Variants in PHF21B observed in about 807,000 individuals in gnomAD.
The protein encoded by PHF21B is PHD finger protein 21B, also known as PHD finger protein 4.
In PHF21B, 22 loss-of-function variants were observed where a neutral mutation model predicts 62.2. The observed-to-expected ratio is 0.35, with a 90% confidence interval of 0.25 to 0.51. The LOEUF (loss-of-function observed/expected upper bound fraction) is 0.51. PHF21B is among the 20% of genes least tolerant of loss of function. The pLI, the probability that PHF21B is intolerant of heterozygous loss-of-function variation, is 0.97. For synonymous variants in PHF21B, 341 were observed against 314.7 expected, an observed-to-expected ratio of 1.08 and a Z score of -0.88; for missense variants, 701 against 707.9, an observed-to-expected ratio of 0.99 and a Z score of 0.11.
Position 45,008,507 on chromosome 22 carries a change from C to G in PHF21B, c.120+38G>C, listed in dbSNP as rs760757370. On this transcript the variant is annotated intron_variant, in intron 2 of 12. Coordinates refer to ENST00000313237, the MANE Select transcript of PHF21B (RefSeq NM_138415.5). ...CCGCCAAAGTGCCCAGCCACCCTCC[C>G]GCCCCATCCCAGGGGGGGCCGCGAT... 5.3e-6 allele frequency: 8 copies of G among 1,514,778 alleles called. No individual in the cohort carries two copies. In the South Asian group the frequency reaches 9.9e-5, roughly 19 times the overall value. The allele number at this position is 1,514,778 out of a possible 1,614,324, so 93.8% of individuals were successfully genotyped here.
chr22:44,987,659 T>C (rs1601683084), intron 2 of PHF21B, among the ~76,000 whole-genome samples: 1 of 151,700 alleles, frequency 6.6e-6, no homozygotes, highest in African/African-American at 2.4e-5. Context: ...CTGTGGTCAT[T>C]ACATCCGGAC....
chr22:44,931,847 C>A (rs2071749136), intron 2 of PHF21B, among the ~76,000 whole-genome samples: 1 of 152,184 alleles, frequency 6.6e-6, no homozygotes, highest in African/African-American at 2.4e-5. Context: ...GATCTGGACT[C>A]CAGGGGCCCA....
chr22:44,924,726 G>C (rs967846953), intron 2 of PHF21B, among the ~76,000 whole-genome samples: 1 of 152,220 alleles, frequency 6.6e-6, no homozygotes, highest in African/African-American at 2.4e-5. Context: ...GCTTAAGCCA[G>C]CCAGTCCATG....
At chr22:44,933,750 C>G (rs563196689) in intron 2 of PHF21B, among the ~76,000 whole-genome samples, 25 of 151,966 alleles carry the variant, frequency 1.6e-4, no homozygotes, top group African/African-American at 5.1e-4. Context: ...GACAGACAGA[C>G]AGAGAGACAG....
intron 2 of PHF21B, among the ~76,000 whole-genome samples, chr22:44,943,102 A>G (rs934743320): frequency 6.6e-6 from 1 of 151,030 alleles, no homozygotes; most frequent in Non-Finnish European, 1.5e-5. Context: ...CCCCCAAGCC[A>G]GCCCCTCCTG....
At chr22:44,953,248 G>A (rs780023501) in intron 2 of PHF21B, among the ~76,000 whole-genome samples, 9 of 152,212 alleles carry the variant, frequency 5.9e-5, no homozygotes, top group Non-Finnish European at 8.8e-5. Context: ...GCACTAGCGA[G>A]TTGGGGTACA....
rs777585164 is a variant in PHF21B, at chr22:44,914,079, G to A, written c.574C>T (p.Arg192Cys). 9.2e-6 allele frequency: 10 copies of A among 1,090,838 alleles called. No homozygotes were observed. The highest frequency in any genetic ancestry group is 4.1e-5 in the Admixed American group (2 of 49,088). The allele number at this position is 1,090,838 out of a possible 1,614,324, so 67.6% of individuals were successfully genotyped here. ...GCGGGGTGAGGGGAAGAGAGGAGGCGTGGAGGAGGCTGGAGAGCGAGGGTG... is the reference window on the plus strand; with the variant it reads ...GCGGGGTGAGGGGAAGAGAGGAGGCATGGAGGAGGCTGGAGAGCGAGGGTG... Reference protein sequence around the residue: ...LISADNKPPPRLLSSPHPATH... With the variant: ...LISADNKPPPCLLSSPHPATH... Residue 192 changes from arginine (R) to cysteine (C), a missense_variant, in exon 5 of 13, where the codon CGC becomes TGC. Coordinates refer to ENST00000313237, the MANE Select transcript of PHF21B (RefSeq NM_138415.5).
chr22:44,896,355 G>A (rs998104496), intron 5 of PHF21B, among the ~76,000 whole-genome samples: 8 of 152,132 alleles, frequency 5.3e-5, no homozygotes, highest in African/African-American at 1.7e-4. Context: ...GCACATAGCT[G>A]GGCTAATCCT....
rs752863363 is a variant in PHF21B, at chr22:44,891,353, C to G, written c.968G>C (p.Arg323Pro). The change falls in exon 8 of 13, where the codon CGG (arginine) becomes CCG (proline). Residue 323 changes from arginine (R) to proline (P), a missense_variant. Coordinates refer to ENST00000313237, the MANE Select transcript of PHF21B (RefSeq NM_138415.5). The stretch of plus-strand genomic sequence containing the variant: ...GTTGTTGAGATAGTTGGAGGCCAGC[C>G]GTTTCCTCTGCAGGGACAGAAAACA... The part of the protein sequence containing the change: ...YSGLLETERK[R>P]LASNYLNNPL... The G allele has an allele frequency of 2.5e-6, 4 of 1,613,898 alleles. No homozygotes were observed. The highest frequency in any genetic ancestry group is 2.2e-5 in the South Asian group (2 of 90,888).
chr22:45,007,388 G>C (rs2073336836), intron 2 of PHF21B, among the ~76,000 whole-genome samples: 1 of 151,448 alleles, frequency 6.6e-6, no homozygotes, highest in Admixed American at 6.6e-5. Context: ...CCCCGGGGGA[G>C]GGGGCGTCCG....
At chr22:44,884,826 T>C (rs564882967) in intron 12 of PHF21B, among the ~76,000 whole-genome samples, 1,542 of 150,944 alleles carry the variant, frequency 0.01, 18 homozygotes, top group Non-Finnish European at 0.013. Context: ...ATCACCATCA[T>C]CACCACCACC....
chr22:44,901,892 G>A (rs964093500), intron 5 of PHF21B: 6 of 248,226 alleles, frequency 2.4e-5, no homozygotes, highest in African/African-American at 1.4e-4. Context: ...GTACCCGGCT[G>A]GTTCAACTTC....
At chr22:44,903,080 T>A (rs1404082541) in intron 5 of PHF21B, among the ~76,000 whole-genome samples, 2 of 152,222 alleles carry the variant, frequency 1.3e-5, no homozygotes, top group Non-Finnish European at 2.9e-5. Context: ...GCCTTACAGA[T>A]TGCAGGTGCA....
chr22:44,973,518 C>T (rs371393500), intron 2 of PHF21B, among the ~76,000 whole-genome samples: 1 of 152,178 alleles, frequency 6.6e-6, no homozygotes, highest in African/African-American at 2.4e-5. Flanking sequence ...AAGGCAACTT[C>T]AGCGAACTGC....
At chr22:44,990,280 G>C (rs993995157) in intron 2 of PHF21B, among the ~76,000 whole-genome samples, 3 of 152,324 alleles carry the variant, frequency 2.0e-5, no homozygotes, top group Middle Eastern at 3.4e-3. Context: ...AGGAAGAAAA[G>C]CACAAGTCCC....
chr22:44,888,046 C>A lies in PHF21B; in HGVS notation c.1114G>T (p.Gly372Trp), dbSNP rs1471400455. 2 of 1,555,262 alleles carry A rather than the reference C, an allele frequency of 1.3e-6. No individual in the cohort carries two copies. Among genetic ancestry groups the A allele is most frequent in the East Asian group, 2.4e-5 (1 of 41,914 alleles). Residue 372 changes from glycine (G) to tryptophan (W), a missense_variant, in exon 10 of 13, where the codon GGG becomes TGG. Gly to Trp is a radical substitution (Grantham distance 184). Coordinates refer to ENST00000313237, the MANE Select transcript of PHF21B (RefSeq NM_138415.5). Reference protein sequence around the residue: ...ANLQPCGTCPGAYHLSCLEPP... With the variant: ...ANLQPCGTCPWAYHLSCLEPP... ...TCCAGGCAGCTGAGGTGGTAGGCCC[C>A]CGGGCAGGTGCCGCAGGGCTGCAGG...
intron 5 of PHF21B, among the ~76,000 whole-genome samples, chr22:44,911,493 T>G (rs1174863682): frequency 6.6e-6 from 1 of 152,168 alleles, no homozygotes; most frequent in Non-Finnish European, 1.5e-5. Flanking sequence ...TAGTGCCCTG[T>G]GTCCCAGCCA....
At chr22:45,001,963 G>A (rs761754856) in intron 2 of PHF21B, 4 of 152,324 alleles carry the variant, frequency 2.6e-5, no homozygotes, top group Non-Finnish European at 5.9e-5. Context: ...CCATTTTCCC[G>A]ATGAGCACGT....
chr22:44,953,995 C>T (rs1469514346), intron 2 of PHF21B, among the ~76,000 whole-genome samples: 1 of 152,228 alleles, frequency 6.6e-6, no homozygotes, highest in Non-Finnish European at 1.5e-5. Context: ...ACCACCACCC[C>T]ACCGGGCTCT....
Sources: gnomAD v4.1 joint callset for allele counts (sites outside exome capture counted in the v4.1 genomes callset) on GRCh38, gnomAD v4.1.1 for gene constraint, MANE v1.5 for transcripts, NCBI Gene and HGNC (gene_info 2026-07-23, HGNC 2026-07-21) for gene names.